Variants in PTK2B observed in about 807,000 individuals in gnomAD.
PTK2B encodes the protein protein tyrosine kinase 2 beta.
A neutral mutation model predicts 142.9 loss-of-function variants in PTK2B; 71 were observed. The observed-to-expected ratio is 0.50, with a 90% CI of 0.41 to 0.61. The LOEUF is 0.61. Among genes scored for constraint, PTK2B ranks in the 20% least tolerant of loss-of-function variants. The pLI is 0.00. For synonymous variants in PTK2B, 519 were observed against 503.4 expected (o/e 1.03, Z -0.42); for missense variants, 1,105 against 1,320.4 (o/e 0.84, Z 2.53).
chr8:27,439,612 G>A (rs1340189256), intron 20 of PTK2B, among the ~76,000 whole-genome samples: 2 of 152,060 alleles, frequency 1.3e-5, no homozygotes, highest in African/African-American at 4.8e-5. Context: ...GGCTGTGCAG[G>A]CTCATCTTCC....
At chr8:27,415,377 C>A (rs1328263954) in intron 2 of PTK2B, among the ~76,000 whole-genome samples, 1 of 152,154 alleles carries the variant, frequency 6.6e-6, no homozygotes, top group East Asian at 1.9e-4. Context: ...CCAACCCTCT[C>A]CCATTTGCAG....
At chr8:27,405,206 G>A (rs1056413205) in intron 2 of PTK2B, among the ~76,000 whole-genome samples, 5 of 152,164 alleles carry the variant, frequency 3.3e-5, no homozygotes, top group African/African-American at 4.8e-5. Flanking sequence ...TGTTTAAGGC[G>A]CCCAGTCAGG....
chr8:27,369,333 A>G (rs1806204560), intron 1 of PTK2B, among the ~76,000 whole-genome samples: 1 of 152,068 alleles, frequency 6.6e-6, no homozygotes, highest in Non-Finnish European at 1.5e-5. Context: ...AGGGGTTTCT[A>G]TCTGCAAAGA....
rs1479816581 is a variant in PTK2B, at chr8:27,451,461, T to A, written c.2524-24T>A. 1.9e-6 allele frequency: 3 copies of A among 1,613,842 alleles called. No individual in the cohort carries two copies. The East Asian group carries it at 6.7e-5, about 36-fold the overall frequency. ...TCCACAGCCGCATGAGTGACGTTCC[T>A]GTTCTCTTTCCTCCTTCCTCCAGAC... is the stretch of plus-strand genomic sequence containing the variant. On this transcript the variant is annotated intron_variant, in intron 26 of 30. Coordinates refer to ENST00000346049, the MANE Select transcript of PTK2B (RefSeq NM_173176.3).
At chr8:27,451,233 C>T (rs1180290701) in intron 26 of PTK2B, among the ~76,000 whole-genome samples, 155 bp downstream of exon 26, 1 of 152,172 alleles carries the variant, frequency 6.6e-6, no homozygotes, top group Non-Finnish European at 1.5e-5. Flanking sequence ...CCTTTTCTGC[C>T]AATCCCTACA....
upstream of PTK2B, among the ~76,000 whole-genome samples, chr8:27,321,578 TTGTC>T (rs1803217767): frequency 1.3e-5 from 2 of 152,112 alleles, no homozygotes; most frequent in Non-Finnish European, 2.9e-5. Flanking sequence ...CCAGGTTTCA[TTGTC>T]AGGTGGAGGT....
In PTK2B at chr8:27,333,182, A is replaced by G. The variant is rs146266969; in HGVS notation, c.-38+7501A>G. Among the ~76,000 whole-genome samples the G allele has an allele frequency of 2.1e-3, 326 of 152,238 alleles. 3 individuals carry two copies. The highest frequency in any genetic ancestry group is 7.1e-3 in the African/African-American group (295 of 41,540). ...AAGAAGAGTATAAATAACAGCAGAG[A>G]GATGGAGAGGTGTGGTTTGAGTGAC... On this transcript the variant is annotated intron_variant, in intron 1 of 30. Coordinates refer to ENST00000346049, the MANE Select transcript of PTK2B (RefSeq NM_173176.3).
chr8:27,439,298 C>T lies in PTK2B; in HGVS notation c.1745-11C>T. On this transcript the variant is annotated splice_polypyrimidine_tract_variant and intron_variant, in intron 19 of 30. Transcript: ENST00000346049. The stretch of plus-strand genomic sequence containing the variant: ...TCTTCCCTAAAAATCAACCTCTTTG[C>T]CCACCCAAAGCCTCTGTGACTCGTC... 6 of 1,609,934 alleles carry T rather than the reference C, an allele frequency of 3.7e-6. No individual in the cohort carries two copies. The highest frequency in any genetic ancestry group is 5.1e-6 in the Non-Finnish European group (6 of 1,176,242).
chr8:27,420,790 C>T lies in PTK2B; in HGVS notation c.471+46C>T, dbSNP rs375441448. 32 of 1,509,194 alleles carry T rather than the reference C, an allele frequency of 2.1e-5. No homozygotes were observed. In the African/African-American group the frequency reaches 2.7e-4, roughly 13 times the overall value. 93.5% of individuals were successfully genotyped at this position (1,509,194 alleles called of 1,614,324 possible). On this transcript the variant is annotated intron_variant, in intron 4 of 30. Coordinates refer to ENST00000346049, the MANE Select transcript of PTK2B (RefSeq NM_173176.3). Reference sequence around the variant, plus strand: ...TTGCCCCGAGGCTCCCATTACACCTCAAATGCCAAGCATGAACCGTTCTCT... The same window carrying T: ...TTGCCCCGAGGCTCCCATTACACCTTAAATGCCAAGCATGAACCGTTCTCT...
chr8:27,442,831 A>G (rs780379687), intron 21 of PTK2B, 44 bp from the exon 22 acceptor site: 27 of 1,543,830 alleles, frequency 1.7e-5, no homozygotes, highest in Non-Finnish European at 2.3e-5. Context: ...GGAGCGTCTC[A>G]CTTTGACCTA....
At chr8:27,381,411 C>T (rs954446639) in intron 1 of PTK2B, among the ~76,000 whole-genome samples, 4 of 152,178 alleles carry the variant, frequency 2.6e-5, no homozygotes, top group African/African-American at 7.2e-5. Context: ...TTTTAGCTCC[C>T]ACCTATGGGT....
At chr8:27,400,637 G>A (rs189420119) in intron 2 of PTK2B, among the ~76,000 whole-genome samples, 7 of 152,260 alleles carry the variant, frequency 4.6e-5, no homozygotes, top group Admixed American at 2.6e-4. Context: ...GGGAGGGAAA[G>A]AAAGGAAGGA....
intron 1 of PTK2B, among the ~76,000 whole-genome samples, chr8:27,343,055 T>G (rs11984626): frequency 0.017 from 2,527 of 152,284 alleles, 73 homozygotes; most frequent in African/African-American, 0.057. Context: ...CTCATCAACC[T>G]TGAAAATAAT....
At chr8:27,430,684 CT>C (rs1220154483) in intron 7 of PTK2B, among the ~76,000 whole-genome samples, 191 bp from the exon 8 acceptor site, 12 of 152,180 alleles carry the variant, frequency 7.9e-5, no homozygotes, top group African/African-American at 2.9e-4. Context: ...CCTCAACCTC[CT>C]TCGTAGGGTT....
Position 27,446,635 on chromosome 8 carries a change from G to A in PTK2B, c.2340+716G>A, listed in dbSNP as rs189856835. On this transcript the variant is annotated intron_variant, in intron 24 of 30. Coordinates refer to ENST00000346049, the MANE Select transcript of PTK2B (RefSeq NM_173176.3). ...ATGGCCCCTAGTGGTCAGTTGCCAC[G>A]AACACTTGATCTATTTTACTAAACC... 2.0e-5 allele frequency among the ~76,000 whole-genome samples: 3 copies of A among 152,244 alleles called. No homozygotes were observed. In the East Asian group the frequency reaches 5.8e-4, roughly 29 times the overall value.
chr8:27,342,724 T>C (rs1220618093), intron 1 of PTK2B, among the ~76,000 whole-genome samples: 1 of 152,216 alleles, frequency 6.6e-6, no homozygotes, highest in Non-Finnish European at 1.5e-5. Flanking sequence ...TTCCTGACTC[T>C]GTTAGGACTT....
chr8:27,382,728 T>C (rs905511527), intron 1 of PTK2B, among the ~76,000 whole-genome samples: 1 of 152,234 alleles, frequency 6.6e-6, no homozygotes, highest in African/African-American at 2.4e-5. Flanking sequence ...GTTGATTTCA[T>C]GTATAGTGAG....
intron 1 of PTK2B, among the ~76,000 whole-genome samples, chr8:27,390,686 G>T (rs898893657): frequency 6.6e-6 from 1 of 151,968 alleles, no homozygotes; most frequent in Non-Finnish European, 1.5e-5. Context: ...TTAAAAAGTG[G>T]GTCTTAGTAT....
chr8:27,458,738 T>A lies in PTK2B; in HGVS notation c.*229T>A. 1.7e-6 allele frequency: 1 copy of A among 581,846 alleles called. No individual in the cohort carries two copies. Among genetic ancestry groups the A allele is most frequent in the Non-Finnish European group, 3.1e-6 (1 of 326,368 alleles). 36.0% of individuals were successfully genotyped at this position (581,846 alleles called of 1,614,324 possible). On this transcript the variant is annotated 3_prime_UTR_variant, in exon 31 of 31. Transcript: ENST00000346049. ...GGACACAGGGTGACGGTGACAAAGA[T>A]GGCTCAGAGGGGGACTGCTGCTGCC... is the stretch of plus-strand genomic sequence containing the variant.
Sources: gnomAD v4.1 joint callset for allele counts (sites outside exome capture counted in the v4.1 genomes callset) on GRCh38, gnomAD v4.1.1 for gene constraint, MANE v1.5 for transcripts, NCBI Gene and HGNC (gene_info 2026-07-23, HGNC 2026-07-21) for gene names.